The following NRG3 variants were observed in gnomAD, a reference collection of about 807,000 sequenced individuals.
NRG3 encodes the protein neuregulin 3.
Under a neutral mutation model 66.9 loss-of-function variants are expected in NRG3, and 31 were observed. That is an observed-to-expected ratio of 0.46 (90% CI 0.35 to 0.63). NRG3 has a LOEUF of 0.63. Ranked by LOEUF, NRG3 falls within the 20% of genes least tolerant of loss-of-function variation. NRG3 has a pLI of 0.00. For synonymous variants in NRG3, 393 were observed against 359.4 expected, an observed-to-expected ratio of 1.09 and a Z score of -1.06; for missense variants, 910 against 878.9, an observed-to-expected ratio of 1.04 and a Z score of -0.45.
chr10:82,956,246 G>A (rs1850037447), intron 5 of NRG3, among the ~76,000 whole-genome samples: 1 of 151,968 alleles, frequency 6.6e-6, no homozygotes, highest in Non-Finnish European at 1.5e-5. Context: ...CAAATGAACT[G>A]TAAAGTTTCC....
At position 82,986,231 on chromosome 10, in the gene NRG3, C is replaced by A. The variant is rs1923547; in HGVS notation, c.*626C>A. The stretch of plus-strand genomic sequence containing the variant: ...TGAGATTTGAATGCACAGATCTCAG[C>A]TGGAGGTATGAAATTATTACAGAAA... On this transcript the variant is annotated 3_prime_UTR_variant, in exon 9 of 9. Coordinates refer to ENST00000372141, the MANE Select transcript of NRG3 (RefSeq NM_001010848.4). 52,889 of 152,038 alleles carry A rather than the reference C, an allele frequency of 0.35. 9,682 individuals carry two copies. The highest frequency in any genetic ancestry group is 0.66 in the East Asian group (3,413 of 5,154). 9.4% of individuals were successfully genotyped at this position (152,038 alleles called of 1,614,324 possible). A position where few individuals can be genotyped will look rare whatever the true frequency, so the allele number is the denominator to read the frequency against.
At chr10:82,141,879 C>G (rs1047203029) in intron 1 of NRG3, among the ~76,000 whole-genome samples, 1 of 152,164 alleles carries the variant, frequency 6.6e-6, no homozygotes, top group Non-Finnish European at 1.5e-5. Flanking sequence ...CGCATTTCAC[C>G]TGTCCTTTAC....
chr10:82,138,442 C>A (rs530225721), intron 1 of NRG3, among the ~76,000 whole-genome samples: 1 of 152,268 alleles, frequency 6.6e-6, no homozygotes, highest in African/African-American at 2.4e-5. Flanking sequence ...TTGGTACTAT[C>A]TTCTTGGCTT....
chr10:82,799,554 C>T (rs2060947199), intron 3 of NRG3, among the ~76,000 whole-genome samples: 1 of 150,160 alleles, frequency 6.7e-6, no homozygotes, highest in African/African-American at 2.5e-5. Flanking sequence ...ACATTTCAGT[C>T]TAACGTAAAG....
intron 1 of NRG3, among the ~76,000 whole-genome samples, chr10:82,167,153 G>A (rs2072145297): frequency 6.6e-6 from 1 of 151,272 alleles, no homozygotes; most frequent in South Asian, 2.1e-4. Context: ...CTTCCTCATT[G>A]GTCTTATTTT....
chr10:82,166,083 C>T (rs1057018747), intron 1 of NRG3, among the ~76,000 whole-genome samples: 23 of 152,118 alleles, frequency 1.5e-4, no homozygotes, highest in African/African-American at 4.6e-4. Context: ...AGTGCAACAG[C>T]GCGATCTCAG....
intron 4 of NRG3, among the ~76,000 whole-genome samples, chr10:82,898,628 G>A (rs1219648256): frequency 6.6e-6 from 1 of 151,966 alleles, no homozygotes; most frequent in Non-Finnish European, 1.5e-5. Context: ...AAGGGAGCAG[G>A]TTCTGGGCCT....
At chr10:82,624,184 G>A (rs2049246439) in intron 2 of NRG3, among the ~76,000 whole-genome samples, 1 of 152,080 alleles carries the variant, frequency 6.6e-6, no homozygotes, top group Admixed American at 6.6e-5. Context: ...AAGCCCTCCA[G>A]CAGTTAATAT....
At chr10:82,841,805 A>G (rs1274517831) in intron 3 of NRG3, among the ~76,000 whole-genome samples, 1 of 152,228 alleles carries the variant, frequency 6.6e-6, no homozygotes, top group African/African-American at 2.4e-5. Flanking sequence ...AAGTTGACAT[A>G]TAAAGGTAAG....
intron 1 of NRG3, among the ~76,000 whole-genome samples, chr10:82,030,118 C>A (rs1250367457): frequency 6.6e-6 from 1 of 152,086 alleles, no homozygotes; most frequent in African/African-American, 2.4e-5. Flanking sequence ...AGGATCAGAG[C>A]AGCTTTCTAC....
Position 81,875,807 on chromosome 10 carries a change from C to G in NRG3, c.467C>G (p.Thr156Ser). 1 of 1,609,824 alleles carries G rather than the reference C, an allele frequency of 6.2e-7. No homozygotes were observed. Among genetic ancestry groups the G allele is most frequent in the Non-Finnish European group, 8.5e-7 (1 of 1,179,860 alleles). ...TCCAGGACGCCCAACCGGATTAGCA[C>G]TCGCCTGACCACCATCACGCGGGCG... ...ASSRTPNRIS[T>S]RLTTITRAPT... The change falls in exon 1 of 9, where the codon ACT becomes AGT. Residue 156 changes from threonine (T) to serine (S), a missense_variant. Physicochemically the swap from Thr to Ser is moderately conservative, Grantham distance 58 (BLOSUM62 1). Transcript: ENST00000372141. The surrounding 1 kb of genome is among the most constrained non-coding windows in gnomAD (Gnocchi z 5.3).
chr10:81,931,142 T>C (rs1847309464), intron 1 of NRG3, among the ~76,000 whole-genome samples: 1 of 152,180 alleles, frequency 6.6e-6, no homozygotes, highest in Non-Finnish European at 1.5e-5. Flanking sequence ...GGCCCCATTA[T>C]TGAACTCAAG....
chr10:82,483,429 T>A (rs1842443024), intron 2 of NRG3, among the ~76,000 whole-genome samples: 1 of 152,202 alleles, frequency 6.6e-6, no homozygotes, highest in African/African-American at 2.4e-5. Context: ...TTTGTAGAAC[T>A]GAGAAAATAA....
chr10:82,982,567 A>G (rs1853040761), intron 8 of NRG3, among the ~76,000 whole-genome samples: 1 of 152,010 alleles, frequency 6.6e-6, no homozygotes, highest in Non-Finnish European at 1.5e-5. Context: ...GTCTGGGGGG[A>G]AGTGAGGCTT....
intron 1 of NRG3, among the ~76,000 whole-genome samples, chr10:82,235,980 A>G (rs542846400): frequency 1.2e-4 from 19 of 152,006 alleles, no homozygotes; most frequent in African/African-American, 4.6e-4. Context: ...ACACACACAT[A>G]GACACGCACA....
chr10:82,002,587 AAAC>A (rs1009025336), intron 1 of NRG3, among the ~76,000 whole-genome samples: 1 of 152,234 alleles, frequency 6.6e-6, no homozygotes, highest in African/African-American at 2.4e-5. Context: ...TGGTCCCAGT[AAAC>A]CTTCCTGAGG....
chr10:82,466,784 G>A (rs540973136), intron 2 of NRG3, among the ~76,000 whole-genome samples: 1 of 152,092 alleles, frequency 6.6e-6, no homozygotes, highest in Admixed American at 6.5e-5. Flanking sequence ...TTAAATAAAC[G>A]ATGGTCACAG....
chr10:82,806,558 T>C (rs2061292529), intron 3 of NRG3, among the ~76,000 whole-genome samples: 1 of 152,170 alleles, frequency 6.6e-6, no homozygotes, highest in Non-Finnish European at 1.5e-5. Flanking sequence ...AACCTGATGA[T>C]TAGTTGAGAC....
chr10:82,303,714 A>G (rs558801621), intron 1 of NRG3, among the ~76,000 whole-genome samples: 3 of 152,028 alleles, frequency 2.0e-5, no homozygotes, highest in South Asian at 2.1e-4. Context: ...CTAAAAATAC[A>G]AAAATTAGCC....
Sources: allele counts gnomAD v4.1 joint callset (sites outside exome capture counted in the v4.1 genomes callset), GRCh38; gene constraint gnomAD v4.1.1; non-coding constraint Gnocchi (gnomAD v3.1); transcripts MANE v1.5; gene names NCBI Gene and HGNC (gene_info 2026-07-23, HGNC 2026-07-21).